Variants in KLHL3 observed in about 807,000 individuals in gnomAD.
The protein encoded by KLHL3 is kelch like family member 3.
In KLHL3, 19 loss-of-function variants were observed where a neutral mutation model predicts 70.5. The ratio of observed to expected loss-of-function variants is 0.27; its 90% CI spans 0.19 to 0.40. The LOEUF (loss-of-function observed/expected upper bound fraction) is 0.40, where lower values mean the gene tolerates loss of function less well. KLHL3 is among the 10% of genes least tolerant of loss of function. The pLI is 1.00. For missense variants in KLHL3, 512 were observed against 771.1 expected (o/e 0.66, Z 3.98); for synonymous variants, 258 against 290.3 (o/e 0.89, Z 1.13).
At chr5:137,734,542 G>C (rs1753230848) in intron 1 of KLHL3, among the ~76,000 whole-genome samples, 1 of 152,186 alleles carries the variant, frequency 6.6e-6, no homozygotes, top group Admixed American at 6.5e-5. Context: ...GTGAGACACA[G>C]AAGTCACAAC....
At chr5:137,676,565 G>A (rs1751888485) in intron 6 of KLHL3, among the ~76,000 whole-genome samples, 2 of 152,180 alleles carry the variant, frequency 1.3e-5, no homozygotes, top group African/African-American at 2.4e-5. Flanking sequence ...TTAATTCCAG[G>A]TGCAGGGTAA....
At chr5:137,704,389 C>G (rs978275594) in intron 3 of KLHL3, among the ~76,000 whole-genome samples, 40 of 150,254 alleles carry the variant, frequency 2.7e-4, no homozygotes, top group Non-Finnish European at 5.9e-4. Flanking sequence ...AAGACTCCGT[C>G]TCAAAAAAAA....
chr5:137,658,106 T>C (rs1193408891), intron 8 of KLHL3, 25 bp downstream of exon 8: 5 of 1,598,554 alleles, frequency 3.1e-6, no homozygotes, highest in Admixed American at 3.6e-5. Context: ...TCCTGACTCT[T>C]GGTGGTGATT....
intron 5 of KLHL3, among the ~76,000 whole-genome samples, chr5:137,684,183 T>C (rs1752106545): frequency 6.6e-6 from 1 of 152,216 alleles, no homozygotes. Context: ...GGTTACAGTT[T>C]CTTCACCTAT....
chr5:137,725,373 A>G (rs888073360), intron 1 of KLHL3, among the ~76,000 whole-genome samples: 5 of 152,222 alleles, frequency 3.3e-5, no homozygotes, highest in Non-Finnish European at 7.3e-5. Context: ...TACTCTAAGC[A>G]TAAAATGGTT....
intron 3 of KLHL3, among the ~76,000 whole-genome samples, chr5:137,706,936 G>A (rs1179565058): frequency 6.6e-6 from 1 of 152,146 alleles, no homozygotes; most frequent in African/African-American, 2.4e-5. Flanking sequence ...AAGATGAGTA[G>A]TAATACTAAA....
At chr5:137,712,156 CAAAAAAAAAA>C (rs201519598) in intron 2 of KLHL3, among the ~76,000 whole-genome samples, 73 of 74,856 alleles carry the variant, frequency 9.8e-4, no homozygotes, top group East Asian at 2.1e-3. Flanking sequence ...AAGATTCTGT[CAAAAAAAAAA>C]AAAAAAAAAA....
At chr5:137,658,947 T>C (rs4835710) in intron 7 of KLHL3, among the ~76,000 whole-genome samples, 144,777 of 152,208 alleles carry the variant, frequency 0.95, 69,285 homozygotes, top group East Asian at 1. Flanking sequence ...GGCTTCTTTA[T>C]CTCTTATTCC....
At chr5:137,627,479 C>CG (rs1750500560) in intron 13 of KLHL3, among the ~76,000 whole-genome samples, 2 of 112,764 alleles carry the variant, frequency 1.8e-5, no homozygotes, top group African/African-American at 3.1e-5. Context: ...ATATCACCAC[C>CG]CCCCCCCCCG....
chr5:137,638,835 C>T, intron 10 of KLHL3, 118 bp downstream of exon 10: 1 of 949,350 alleles, frequency 1.1e-6, no homozygotes, highest in South Asian at 1.6e-5. Flanking sequence ...GTGGATATGT[C>T]CCTGGGGCAG....
chr5:137,623,033 C>T (rs911368362), intron 14 of KLHL3, among the ~76,000 whole-genome samples: 3 of 152,226 alleles, frequency 2.0e-5, no homozygotes, highest in Non-Finnish European at 4.4e-5. Context: ...AATGCTCACG[C>T]AAGGCCAAGG....
chr5:137,696,935 G>A (rs1384784189), intron 4 of KLHL3, among the ~76,000 whole-genome samples: 1 of 152,114 alleles, frequency 6.6e-6, no homozygotes, highest in African/African-American at 2.4e-5. Flanking sequence ...TGCCTGGGAA[G>A]GGACTCCAGG....
At chr5:137,671,640 C>T (rs924038383) in intron 6 of KLHL3, 1 of 152,198 alleles carries the variant, frequency 6.6e-6, no homozygotes, top group Non-Finnish European at 1.5e-5. Flanking sequence ...TAATCTCTGC[C>T]TTGCAACTTG....
chr5:137,730,994 G>A (rs370398645), intron 1 of KLHL3, among the ~76,000 whole-genome samples: 14 of 151,314 alleles, frequency 9.3e-5, no homozygotes, highest in South Asian at 4.2e-4. Flanking sequence ...GCTCTATTCC[G>A]TTTAACCTAG....
At chr5:137,652,596 C>A (rs899178501) in intron 8 of KLHL3, among the ~76,000 whole-genome samples, 1 of 152,062 alleles carries the variant, frequency 6.6e-6, no homozygotes, top group African/African-American at 2.4e-5. Flanking sequence ...CTCACTCATA[C>A]GCGGAATCTA....
chr5:137,622,394 C>A (rs1418086637), intron 14 of KLHL3, among the ~76,000 whole-genome samples: 1 of 152,254 alleles, frequency 6.6e-6, no homozygotes, highest in Non-Finnish European at 1.5e-5. Flanking sequence ...CATGGACTCA[C>A]TGTGGTGACT....
intron 1 of KLHL3, among the ~76,000 whole-genome samples, chr5:137,721,731 A>C (rs1442380590): frequency 1.3e-5 from 2 of 152,226 alleles, no homozygotes; most frequent in African/African-American, 4.8e-5. Flanking sequence ...GCTTGTGCCC[A>C]GGGGTTTCAT....
intron 11 of KLHL3, among the ~76,000 whole-genome samples, chr5:137,636,676 AG>A (rs1187556270): frequency 6.6e-6 from 1 of 152,146 alleles, no homozygotes; most frequent in East Asian, 1.9e-4. Context: ...CTCCTTCACA[AG>A]GGTTTTGCAA....
chr5:137,683,055 C>T (rs1315787066), intron 5 of KLHL3, among the ~76,000 whole-genome samples: 3 of 152,132 alleles, frequency 2.0e-5, no homozygotes, highest in Non-Finnish European at 4.4e-5. Flanking sequence ...TAGGAAATGG[C>T]CTCAACTTTC....
Sources: gnomAD v4.1 joint callset for allele counts (sites outside exome capture counted in the v4.1 genomes callset) on GRCh38, gnomAD v4.1.1 for gene constraint, MANE v1.5 for transcripts, NCBI Gene and HGNC (gene_info 2026-07-23, HGNC 2026-07-21) for gene names.